CBFA2T3: variants seen among roughly 807,000 people sequenced by gnomAD.
CBFA2T3 encodes CBFA2/RUNX1 partner transcriptional co-repressor 3.
Under a neutral mutation model 58.6 loss-of-function variants are expected in CBFA2T3, and 31 were observed. The ratio of observed to expected loss-of-function variants is 0.53; its 90% confidence interval spans 0.40 to 0.71. The LOEUF (loss-of-function observed/expected upper bound fraction) is 0.71, where lower values mean the gene tolerates loss of function less well. CBFA2T3 is among the 30% of genes least tolerant of loss of function. The pLI is 0.00. For missense variants in CBFA2T3, 1,076 were observed against 963.1 expected (o/e 1.12, Z -1.55); for synonymous variants, 531 against 421.9 (o/e 1.26, Z -3.17).
At chr16:88,903,485 C>T (rs868004884) in intron 1 of CBFA2T3, among the ~76,000 whole-genome samples, 417 of 152,280 alleles carry the variant, frequency 2.7e-3, no homozygotes, top group African/African-American at 9.2e-3. Flanking sequence ...TCGCACAGGG[C>T]GCCCTGCTCC....
chr16:88,974,803 G>A (rs985382268), intron 1 of CBFA2T3, among the ~76,000 whole-genome samples: 1 of 152,044 alleles, frequency 6.6e-6, no homozygotes, highest in East Asian at 1.9e-4. Flanking sequence ...GCCAGGCGAG[G>A]CTTGATGCCG....
At chr16:88,889,023 G>A (rs1431220707) in intron 5 of CBFA2T3, among the ~76,000 whole-genome samples, 1 of 151,970 alleles carries the variant, frequency 6.6e-6, no homozygotes, top group Non-Finnish European at 1.5e-5. Context: ...GGATGCTGCG[G>A]CGTTTCTCTG....
chr16:88,976,438 G>A (rs1477329728), intron 1 of CBFA2T3, among the ~76,000 whole-genome samples: 1 of 152,152 alleles, frequency 6.6e-6, no homozygotes, highest in Admixed American at 6.5e-5. Context: ...GGGGCACCTG[G>A]CTGGCACCTG....
intron 1 of CBFA2T3, 99 bp downstream of exon 1, chr16:88,976,558 T>G: frequency 1.1e-6 from 1 of 912,982 alleles, no homozygotes; most frequent in Non-Finnish European, 1.7e-6. Flanking sequence ...CACTGTCAAC[T>G]AAGCTGGGCA....
intron 1 of CBFA2T3, among the ~76,000 whole-genome samples, chr16:88,948,486 G>A (rs1971963390): frequency 6.6e-6 from 1 of 152,208 alleles, no homozygotes; most frequent in Non-Finnish European, 1.5e-5. Flanking sequence ...ACCAGATGAC[G>A]CGGCTTCAAG....
At position 88,976,861 on chromosome 16, in the gene CBFA2T3, G is replaced by A. The variant is rs1203570333; in HGVS notation, c.-54C>T. 9 of 1,509,244 alleles carry A rather than the reference G, an allele frequency of 6.0e-6. No individual in the cohort carries two copies. Among genetic ancestry groups the A allele is most frequent in the Non-Finnish European group, 8.0e-6 (9 of 1,118,220 alleles). 93.5% of individuals were successfully genotyped at this position (1,509,244 alleles called of 1,614,324 possible). A position where few individuals can be genotyped will look rare whatever the true frequency, so the allele number is the denominator to read the frequency against. On this transcript the variant is annotated 5_prime_UTR_variant, in exon 1 of 12. Transcript: ENST00000268679. ...GGAGCCCAGGACAGGCCTCTACCAG[G>A]ACTGCCTTTCCCGACCTCCTGCAGC...
chr16:88,882,695 T>C lies in CBFA2T3; in HGVS notation c.1184A>G (p.Glu395Gly). The change falls in exon 8 of 12, where the codon GAG becomes GGG. Residue 395 changes from glutamate to glycine, a missense_variant. Physicochemically the swap from Glu to Gly is moderately conservative, Grantham distance 98. Coordinates refer to ENST00000268679, the MANE Select transcript of CBFA2T3 (RefSeq NM_005187.6). ...HKLTEREWAE[E>G]WKHLNNLLNC... ...ACTCACGTTGTTGAGGTGCTTCCAC[T>C]CTTCTGCCCACTCACGCTCTGTGAG... The C allele has an allele frequency of 6.3e-7, 1 of 1,588,146 alleles. No homozygotes were observed. Among genetic ancestry groups the C allele is most frequent in the Middle Eastern group, 1.7e-4 (1 of 6,008 alleles).
At position 88,880,715 on chromosome 16, in the gene CBFA2T3, C is replaced by A; in HGVS notation, c.1471+5G>T. On this transcript the variant is annotated splice_donor_5th_base_variant and intron_variant, in intron 10 of 11. Transcript: ENST00000268679. Reference sequence around the variant, plus strand: ...TGCTGGCCAGGCCCCTGCACCCCCACTCACCAGCCTTCCTCCAGATGTCCT... The same window carrying A: ...TGCTGGCCAGGCCCCTGCACCCCCAATCACCAGCCTTCCTCCAGATGTCCT... 1 of 1,557,770 alleles carries A rather than the reference C, an allele frequency of 6.4e-7. No individual in the cohort carries two copies. Among genetic ancestry groups the A allele is most frequent in the East Asian group, 2.4e-5 (1 of 41,862 alleles).
rs552326820 is a variant in CBFA2T3 at position 88,911,480 on chromosome 16, G to A, written c.152-9824C>T. ...CAAAAGCCCTCTGTGGCCCTGCCAC[G>A]GGGACGTCATCTCTGGCGATCTGAA... On this transcript the variant is annotated intron_variant, in intron 1 of 11. Transcript: ENST00000268679. Among the ~76,000 whole-genome samples the A allele has an allele frequency of 7.9e-5, 12 of 152,376 alleles. No individual in the cohort carries two copies. In the South Asian group the frequency reaches 1.0e-3, roughly 13 times the overall value.
intron 1 of CBFA2T3, among the ~76,000 whole-genome samples, chr16:88,975,037 T>A (rs1310599261): frequency 4.0e-5 from 6 of 151,496 alleles, no homozygotes; most frequent in Admixed American, 1.3e-4. Context: ...GAGACCCTGC[T>A]CCCTCCTCAC....
chr16:88,878,182 CCA>C (rs2142524040), intron 11 of CBFA2T3, among the ~76,000 whole-genome samples: 2 of 152,402 alleles, frequency 1.3e-5, no homozygotes, highest in East Asian at 3.9e-4. Context: ...GCCCCACTCC[CCA>C]CACACTTCCA....
At position 88,885,922 on chromosome 16, in the gene CBFA2T3, A is replaced by G; in HGVS notation, c.893+39T>C. The G allele has an allele frequency of 6.6e-7, 1 of 1,523,276 alleles. No homozygotes were observed. Among genetic ancestry groups the G allele is most frequent in the Non-Finnish European group, 8.9e-7 (1 of 1,127,150 alleles). The allele number at this position is 1,523,276 out of a possible 1,614,324, so 94.4% of individuals were successfully genotyped here. On this transcript the variant is annotated intron_variant, in intron 6 of 11. Coordinates refer to ENST00000268679, the MANE Select transcript of CBFA2T3 (RefSeq NM_005187.6). The surrounding 1 kb of genome is among the most constrained non-coding windows in gnomAD (Gnocchi z 5.3). ...GGGGAGCAGGGTGAGCCGCGTGTCC[A>G]CGGCACCCCCAGCCCAGATCCCCGG...
intron 1 of CBFA2T3, among the ~76,000 whole-genome samples, chr16:88,975,209 A>AT (rs1432420046): frequency 0.027 from 2,082 of 76,152 alleles, 42 homozygotes; most frequent in Middle Eastern, 0.046. Context: ...GTCCACCCTG[A>AT]CCCTCTGCTC....
At chr16:88,911,537 G>A (rs1179780233) in intron 1 of CBFA2T3, among the ~76,000 whole-genome samples, 1 of 152,242 alleles carries the variant, frequency 6.6e-6, no homozygotes, top group Non-Finnish European at 1.5e-5. Context: ...GGGAACCTCA[G>A]GCGCCCTCTC....
In CBFA2T3 at chr16:88,951,092, C is replaced by T. The variant is rs201099523; in HGVS notation, c.151+25565G>A. On this transcript the variant is annotated intron_variant, in intron 1 of 11. Transcript: ENST00000268679. ...GTTCACCCCTCCCCTGGACCGGCACCGCCACAGAGGGTCAGAGTGTTGGCA... is the reference window on the plus strand; with the variant it reads ...GTTCACCCCTCCCCTGGACCGGCACTGCCACAGAGGGTCAGAGTGTTGGCA... The T allele has an allele frequency of 5.6e-5, 21 of 375,736 alleles. 2 individuals carry two copies. The highest frequency in any genetic ancestry group is 1.4e-4 in the African/African-American group (4 of 28,486). 23.3% of individuals were successfully genotyped at this position (375,736 alleles called of 1,614,324 possible). A position where few individuals can be genotyped will look rare whatever the true frequency, so the allele number is the denominator to read the frequency against.
intron 1 of CBFA2T3, among the ~76,000 whole-genome samples, chr16:88,922,100 C>T (rs904517811): frequency 4.6e-5 from 7 of 152,206 alleles, no homozygotes; most frequent in African/African-American, 1.2e-4. Context: ...CAGGACATCC[C>T]GGGAGCTGGG....
chr16:88,897,975 G>A (rs977843578), intron 3 of CBFA2T3, 103 bp downstream of exon 3: 22 of 845,118 alleles, frequency 2.6e-5, no homozygotes, highest in African/African-American at 2.3e-4. Context: ...TGCGGAGGCC[G>A]GGGAGGAGAG....
chr16:88,908,207 T>C (rs1970402661), intron 1 of CBFA2T3, among the ~76,000 whole-genome samples: 1 of 152,088 alleles, frequency 6.6e-6, no homozygotes, highest in Non-Finnish European at 1.5e-5. Context: ...CCGAGCGTAG[T>C]GGTGCGTGCC....
At chr16:88,949,198 G>A (rs979990781) in intron 1 of CBFA2T3, among the ~76,000 whole-genome samples, 2 of 152,204 alleles carry the variant, frequency 1.3e-5, no homozygotes, top group African/African-American at 4.8e-5. Context: ...TAAGAAGCTG[G>A]AGGGGTTTGG....
Sources: gnomAD v4.1 joint callset for allele counts (sites outside exome capture counted in the v4.1 genomes callset) on GRCh38, gnomAD v4.1.1 for gene constraint, Gnocchi (gnomAD v3.1) non-coding constraint, MANE v1.5 for transcripts, NCBI Gene and HGNC (gene_info 2026-07-23, HGNC 2026-07-21) for gene names.